Variants in POLB observed in about 807,000 individuals in gnomAD.
The protein encoded by POLB is DNA polymerase beta.
Under a neutral mutation model 52.7 loss-of-function variants are expected in POLB, and 37 were observed. The observed-to-expected ratio is 0.70, with a 90% CI of 0.54 to 0.92. POLB has a LOEUF of 0.92. POLB is among the 40% of genes least tolerant of loss of function. The pLI is 0.00. For missense variants in POLB, 313 were observed against 400.8 expected (o/e 0.78, Z 1.87); for synonymous variants, 138 against 131.3 (o/e 1.05, Z -0.35).
At chr8:42,360,408 A>G (rs1159556350) in intron 9 of POLB, among the ~76,000 whole-genome samples, 1 of 152,162 alleles carries the variant, frequency 6.6e-6, no homozygotes, top group Non-Finnish European at 1.5e-5. Flanking sequence ...ACTTATCAAA[A>G]TGAAAGGGAG....
chr8:42,357,296 C>A, intron 8 of POLB, 24 bp from the exon 9 acceptor site: 1 of 1,453,136 alleles, frequency 6.9e-7, no homozygotes, highest in Non-Finnish European at 9.7e-7. Context: ...TTTGGGAATA[C>A]TGACTTAATT....
chr8:42,357,273 G>A lies in POLB; in HGVS notation c.478-47G>A, dbSNP rs1228754462. On this transcript the variant is annotated intron_variant, in intron 8 of 13. Coordinates refer to ENST00000265421, the MANE Select transcript of POLB (RefSeq NM_002690.3). ...TTGATTAGAATTGAGAGTGTCACTT[G>A]GTGAAAAGCCATTTTGGGAATACTG... The A allele has an allele frequency of 2.8e-6, 4 of 1,419,392 alleles. No individual in the cohort carries two copies. In the East Asian group the frequency reaches 6.8e-5, roughly 24 times the overall value. 87.9% of individuals were successfully genotyped at this position (1,419,392 alleles called of 1,614,324 possible).
intron 2 of POLB, among the ~76,000 whole-genome samples, chr8:42,340,818 C>T (rs921624745): frequency 3.3e-5 from 5 of 152,204 alleles, no homozygotes; most frequent in African/African-American, 1.2e-4. Flanking sequence ...GTGACTTCCT[C>T]TGTAAAGTAA....
intron 13 of POLB, among the ~76,000 whole-genome samples, chr8:42,370,485 G>T (rs1209247153): frequency 6.6e-6 from 1 of 151,760 alleles, no homozygotes; most frequent in Non-Finnish European, 1.5e-5. Flanking sequence ...TCTACTAGGA[G>T]AATGAATTTT....
chr8:42,339,245 A>G (rs1822044115), intron 2 of POLB, 176 bp downstream of exon 2: 2 of 632,176 alleles, frequency 3.2e-6, no homozygotes, highest in African/African-American at 1.8e-5. Context: ...GCGTTATAGG[A>G]TCAGTTCAGA....
intron 6 of POLB, among the ~76,000 whole-genome samples, chr8:42,353,354 C>T (rs1823100177): frequency 3.3e-5 from 5 of 151,584 alleles, no homozygotes; most frequent in Admixed American, 2.6e-4. Flanking sequence ...GTGATCTGCC[C>T]ACCTCGGCCT....
intron 3 of POLB, among the ~76,000 whole-genome samples, chr8:42,347,551 C>T (rs989722108): frequency 6.6e-6 from 1 of 151,812 alleles, no homozygotes; most frequent in Non-Finnish European, 1.5e-5. Context: ...TCTGAAATTT[C>T]CAGAATGAGT....
chr8:42,339,730 CT>C (rs1159809510), intron 2 of POLB: 5 of 149,840 alleles, frequency 3.3e-5, no homozygotes, highest in Admixed American at 1.3e-4. Context: ...TTTTTTCTTT[CT>C]TTTTTTTTCT....
intron 3 of POLB, among the ~76,000 whole-genome samples, chr8:42,348,501 G>A (rs1822771106): frequency 6.6e-6 from 1 of 152,226 alleles, no homozygotes; most frequent in South Asian, 2.1e-4. Context: ...TAGGCCAGCA[G>A]CATCAGCGTC....
chr8:42,365,414 C>T (rs540938491), intron 11 of POLB, among the ~76,000 whole-genome samples: 1 of 152,296 alleles, frequency 6.6e-6, no homozygotes, highest in Admixed American at 6.5e-5. Flanking sequence ...GCCCCATGAA[C>T]AGCCTTTTCA....
At chr8:42,369,121 T>G in intron 11 of POLB, 150 bp from the exon 12 acceptor site, 1 of 552,058 alleles carries the variant, frequency 1.8e-6, no homozygotes. Flanking sequence ...GTAGGGATAG[T>G]GTATTGCTCA....
chr8:42,370,010 A>G, intron 13 of POLB, 22 bp downstream of exon 13: 1 of 1,581,440 alleles, frequency 6.3e-7, no homozygotes, highest in Non-Finnish European at 8.7e-7. Context: ...TGTGTGTATT[A>G]GAGATCATCT....
intron 9 of POLB, 101 bp from the exon 10 acceptor site, chr8:42,361,194 C>T: frequency 2.5e-6 from 2 of 798,238 alleles, no homozygotes; most frequent in South Asian, 1.4e-5. Flanking sequence ...GAAAGTTAGG[C>T]TGTAAGAAGT....
intron 6 of POLB, among the ~76,000 whole-genome samples, chr8:42,353,893 T>A (rs1823139055): frequency 7.0e-6 from 1 of 142,554 alleles, no homozygotes; most frequent in Non-Finnish European, 1.6e-5. Flanking sequence ...TAGTACTACT[T>A]AAAAATGGTA....
chr8:42,359,230 T>C (rs991320383), intron 9 of POLB, among the ~76,000 whole-genome samples: 1 of 152,208 alleles, frequency 6.6e-6, no homozygotes, highest in Admixed American at 6.5e-5. Context: ...TATACCATCT[T>C]TATTTCTTTC....
In POLB at chr8:42,353,322, A is replaced by G. The variant is rs1207014075; in HGVS notation, c.370+754A>G. On this transcript the variant is annotated intron_variant, in intron 6 of 13. Coordinates refer to ENST00000265421, the MANE Select transcript of POLB (RefSeq NM_002690.3). ...GAGACGGGGTTTCACTGTGTTAGCC[A>G]GGATGGTCTCGGTCTGACCTTGTGA... Among the ~76,000 whole-genome samples the G allele has an allele frequency of 3.3e-5, 5 of 151,646 alleles. 1 individual carries two copies. The highest frequency in any genetic ancestry group is 4.8e-5 in the African/African-American group (2 of 41,284).
At chr8:42,365,355 C>T (rs1188731656) in intron 11 of POLB, among the ~76,000 whole-genome samples, 2 of 152,098 alleles carry the variant, frequency 1.3e-5, no homozygotes, top group African/African-American at 4.8e-5. Flanking sequence ...ACTCTGTTCC[C>T]AAAAGTATAT....
intron 3 of POLB, among the ~76,000 whole-genome samples, 192 bp from the exon 4 acceptor site, chr8:42,348,824 T>G (rs954634716): frequency 1.3e-5 from 2 of 152,238 alleles, no homozygotes; most frequent in Non-Finnish European, 2.9e-5. Context: ...GAGTTTCCCT[T>G]TTGTCATTCA....
intron 11 of POLB, among the ~76,000 whole-genome samples, chr8:42,363,527 C>CAA (rs1163249252): frequency 0.013 from 202 of 15,818 alleles, 28 homozygotes; most frequent in South Asian, 0.07. Flanking sequence ...GACTCTGTCT[C>CAA]AAAAAAAAAA....
Sources: gnomAD v4.1 joint callset for allele counts (sites outside exome capture counted in the v4.1 genomes callset) on GRCh38, gnomAD v4.1.1 for gene constraint, MANE v1.5 for transcripts, NCBI Gene and HGNC (gene_info 2026-07-23, HGNC 2026-07-21) for gene names.